The following DHX32 variants were observed in gnomAD, a reference collection of about 807,000 sequenced individuals.
DHX32 encodes the protein DEAH-box helicase 32 (putative).
In DHX32, 51 loss-of-function variants were observed where a neutral mutation model predicts 70.0. That is an observed-to-expected ratio of 0.73 (90% CI 0.58 to 0.92). The LOEUF is 0.92. Among genes scored for constraint, DHX32 ranks in the 40% least tolerant of loss-of-function variants. DHX32 has a pLI of 0.00. For synonymous variants in DHX32, 310 were observed against 315.3 expected, an observed-to-expected ratio of 0.98 and a Z score of 0.18; for missense variants, 762 against 891.8, an observed-to-expected ratio of 0.85 and a Z score of 1.85.
At chr10:125,892,114 T>G (rs1944374549) in intron 1 of DHX32, among the ~76,000 whole-genome samples, 1 of 152,112 alleles carries the variant, frequency 6.6e-6, no homozygotes, top group East Asian at 1.9e-4. Context: ...TCAAAAAATT[T>G]TTTTCTTCTT....
chr10:125,855,350 A>G (rs1361495569), intron 3 of DHX32, among the ~76,000 whole-genome samples: 2 of 152,064 alleles, frequency 1.3e-5, no homozygotes, highest in East Asian at 1.9e-4. Flanking sequence ...CCATCAAGCA[A>G]GCTTCTCACT....
chr10:125,870,082 AAAAT>A (rs1292944894), intron 1 of DHX32, among the ~76,000 whole-genome samples: 8 of 152,226 alleles, frequency 5.3e-5, no homozygotes, highest in Non-Finnish European at 1.0e-4. Flanking sequence ...AAAGTAAAAT[AAAAT>A]AAATGAATGA....
At chr10:125,845,809 C>A (rs1944009383) in intron 6 of DHX32, among the ~76,000 whole-genome samples, 1 of 152,256 alleles carries the variant, frequency 6.6e-6, no homozygotes. Context: ...ACTGCCCTCC[C>A]AGTGCCACCC....
intron 6 of DHX32, among the ~76,000 whole-genome samples, chr10:125,849,541 C>T (rs1410435973): frequency 6.6e-6 from 1 of 152,072 alleles, no homozygotes; most frequent in African/African-American, 2.4e-5. Flanking sequence ...ATAGTGTAAC[C>T]TTCATTAACT....
upstream of DHX32, among the ~76,000 whole-genome samples, chr10:125,882,398 G>T (rs1341064563): frequency 6.6e-6 from 1 of 152,120 alleles, no homozygotes; most frequent in Non-Finnish European, 1.5e-5. Context: ...GATAAGAAAA[G>T]CTCTCTCTCT....
intron 1 of DHX32, among the ~76,000 whole-genome samples, chr10:125,879,491 C>CT (rs1442728006): frequency 1.3e-5 from 2 of 152,164 alleles, no homozygotes; most frequent in African/African-American, 4.8e-5. Flanking sequence ...TAACTCGGAA[C>CT]TTTCCACTCT....
In DHX32 at chr10:125,841,893, G is replaced by A. The variant is rs753407497; in HGVS notation, c.1393C>T (p.Leu465=). The change falls in exon 7 of 11, where the codon CTG becomes TTG. Residue 465 remains leucine (L), a synonymous_variant. Transcript: ENST00000284690. Reference sequence around the variant, plus strand: ...TTTCCATCATTATCCAGTGCTGCCAGATAATCTAAGTCTTCCAATGCCTGC... The same window carrying A: ...TTTCCATCATTATCCAGTGCTGCCAAATAATCTAAGTCTTCCAATGCCTGC... ...LMQALEDLDY[L]AALDNDGNLS... 1.9e-5 allele frequency: 31 copies of A among 1,608,980 alleles called. No individual in the cohort carries two copies. Among genetic ancestry groups the A allele is most frequent in the Non-Finnish European group, 2.5e-5 (29 of 1,178,848 alleles).
intron 1 of DHX32, among the ~76,000 whole-genome samples, chr10:125,894,067 T>C (rs1374619264): frequency 1.3e-5 from 2 of 152,310 alleles, no homozygotes; most frequent in African/African-American, 4.8e-5. Flanking sequence ...ATGTAACTAT[T>C]CTATCTAGTA....
intron 6 of DHX32, 184 bp from the exon 7 acceptor site, chr10:125,842,118 G>A (rs1854898676): frequency 2.6e-6 from 2 of 770,132 alleles, no homozygotes; most frequent in Non-Finnish European, 3.8e-6. Context: ...AAACTCAGGA[G>A]GGGAGCCCTG....
chr10:125,850,110 C>T (rs1020348042), intron 6 of DHX32, among the ~76,000 whole-genome samples: 1 of 148,322 alleles, frequency 6.7e-6, no homozygotes, highest in South Asian at 2.1e-4. Context: ...GTACTACAGG[C>T]GTATGCCACC....
intron 3 of DHX32, 22 bp downstream of exon 3, chr10:125,859,581 G>A: frequency 1.9e-6 from 3 of 1,541,124 alleles, no homozygotes; most frequent in Non-Finnish European, 2.6e-6. Flanking sequence ...ATTACTGTAA[G>A]GTTAGAGTAT....
chr10:125,853,180 A>G (rs750577801), intron 4 of DHX32: 3 of 1,613,370 alleles, frequency 1.9e-6, no homozygotes, highest in South Asian at 1.1e-5. Context: ...GACTAATTCA[A>G]TCAAGATCAA....
At chr10:125,882,026 C>T (rs1944320352), upstream of DHX32, among the ~76,000 whole-genome samples, 1 of 152,060 alleles carries the variant, frequency 6.6e-6, no homozygotes, top group Non-Finnish European at 1.5e-5. Context: ...GTCTTGAGCC[C>T]AACATGTCAG....
chr10:125,879,025 T>G (rs1300381459), intron 1 of DHX32, among the ~76,000 whole-genome samples: 1 of 136,938 alleles, frequency 7.3e-6, no homozygotes, highest in East Asian at 2.1e-4. Flanking sequence ...GTTTTTTTTT[T>G]TTTTTTTTTT....
At chr10:125,853,329 G>C in intron 4 of DHX32, 1 of 736,976 alleles carries the variant, frequency 1.4e-6, no homozygotes, top group Non-Finnish European at 2.0e-6. Context: ...GTCAATATTT[G>C]TTAGTTTCGT....
intron 2 of DHX32, among the ~76,000 whole-genome samples, chr10:125,863,122 C>A (rs1386677368): frequency 1.3e-5 from 2 of 151,160 alleles, no homozygotes; most frequent in Admixed American, 1.3e-4. Flanking sequence ...TTGAGTTTAA[C>A]CTTAATGAAA....
At chr10:125,841,638 A>C (rs1255030014) in intron 7 of DHX32, 105 bp downstream of exon 7, 1 of 1,497,574 alleles carries the variant, frequency 6.7e-7, no homozygotes, top group Non-Finnish European at 8.8e-7. Flanking sequence ...GTTGATCACT[A>C]TCTCTGCTCT....
chr10:125,867,228 A>G (rs762939835), intron 1 of DHX32, 45 bp from the exon 2 acceptor site: 5 of 1,484,754 alleles, frequency 3.4e-6, no homozygotes, highest in Non-Finnish European at 4.6e-6. Flanking sequence ...TGCTGAAAAC[A>G]AAACAAGAGA....
In DHX32 at chr10:125,880,954, C is replaced by A; in HGVS notation, c.-130G>T. On this transcript the variant is annotated 5_prime_UTR_variant, in exon 1 of 11. Transcript: ENST00000284690. ...TGTTCCAATCTCTAAGACTTCAGTT[C>A]AAGGTTTTAGCAAGTTAAATTCCTC... is the stretch of plus-strand genomic sequence containing the variant. 1.7e-6 allele frequency: 2 copies of A among 1,171,082 alleles called. No homozygotes were observed. The highest frequency in any genetic ancestry group is 2.5e-5 in the Admixed American group (1 of 40,358). 72.5% of individuals were successfully genotyped at this position (1,171,082 alleles called of 1,614,324 possible).
Sources: allele counts gnomAD v4.1 joint callset (sites outside exome capture counted in the v4.1 genomes callset), GRCh38; gene constraint gnomAD v4.1.1; transcripts MANE v1.5; gene names NCBI Gene and HGNC (gene_info 2026-07-23, HGNC 2026-07-21).